The following ACER1 variants were observed in gnomAD, a reference collection of about 807,000 sequenced individuals.
The protein encoded by ACER1 is alkaline ceramidase 1.
Under a neutral mutation model 24.9 loss-of-function variants are expected in ACER1, and 28 were observed. That is an observed-to-expected ratio of 1.13 (90% CI 0.83 to 1.54). The LOEUF is 1.54. Among genes scored for constraint, ACER1 ranks in the 40% most tolerant of loss-of-function variants. The pLI, the probability that ACER1 is intolerant of heterozygous loss-of-function variation, is 0.00. For synonymous variants in ACER1, 132 were observed against 131.4 expected (o/e 1.00, Z -0.03); for missense variants, 352 against 349.3 (o/e 1.01, Z -0.06).
chr19:6,339,803 C>T, the ACER1 span, among the ~76,000 whole-genome samples: 1 of 151,980 alleles, frequency 6.6e-6, no homozygotes, highest in Non-Finnish European at 1.5e-5. Flanking sequence ...GATGGGACTA[C>T]AGGCGCCCGC....
the ACER1 span, among the ~76,000 whole-genome samples, chr19:6,354,903 G>A: frequency 2.0e-5 from 3 of 152,016 alleles, no homozygotes; most frequent in Non-Finnish European, 4.4e-5. Flanking sequence ...CTGCCATCTC[G>A]GCTCACTGCA....
At chr19:6,348,894 A>C in the ACER1 span, among the ~76,000 whole-genome samples, 1 of 151,948 alleles carries the variant, frequency 6.6e-6, no homozygotes, top group African/African-American at 2.4e-5. Flanking sequence ...TGTCTCTACT[A>C]AAAATACAAA....
chr19:6,309,123 G>A (rs1473428637), intron 4 of ACER1, among the ~76,000 whole-genome samples: 4 of 151,936 alleles, frequency 2.6e-5, no homozygotes, highest in African/African-American at 4.8e-5. Flanking sequence ...CCTTGAACCC[G>A]GGAGGCAGAG....
At chr19:6,328,129 T>G (rs1314568682) in intron 1 of ACER1, among the ~76,000 whole-genome samples, 1 of 150,898 alleles carries the variant, frequency 6.6e-6, no homozygotes, top group Non-Finnish European at 1.5e-5. Context: ...TTATCTATTA[T>G]CTATGGCTGG....
chr19:6,358,694 G>C, the ACER1 span, among the ~76,000 whole-genome samples: 1 of 151,810 alleles, frequency 6.6e-6, no homozygotes, highest in Non-Finnish European at 1.5e-5. Context: ...AGCACTTTGG[G>C]AGGCTGAGGC....
At chr19:6,356,152 C>A in the ACER1 span, among the ~76,000 whole-genome samples, 2 of 150,952 alleles carry the variant, frequency 1.3e-5, no homozygotes, top group African/African-American at 4.9e-5. Context: ...CCTTGGGATC[C>A]TGTTGATCGG....
chr19:6,318,418 G>A (rs1336109485), intron 1 of ACER1, among the ~76,000 whole-genome samples: 2 of 151,718 alleles, frequency 1.3e-5, no homozygotes, highest in Non-Finnish European at 2.9e-5. Context: ...GCAGTGAGCT[G>A]AGATCACACG....
At chr19:6,319,610 C>G (rs150821671) in intron 1 of ACER1, among the ~76,000 whole-genome samples, 1 of 152,032 alleles carries the variant, frequency 6.6e-6, no homozygotes, top group Non-Finnish European at 1.5e-5. Flanking sequence ...CCTGCCTTCT[C>G]GGGGTGTATA....
At chr19:6,340,280 CAAAA>C in the ACER1 span, among the ~76,000 whole-genome samples, 1 of 128,074 alleles carries the variant, frequency 7.8e-6, no homozygotes, top group Non-Finnish European at 1.6e-5. Context: ...ACTCTGTCTC[CAAAA>C]AAAGAAAGAA....
At chr19:6,320,175 C>G (rs1399265380) in intron 1 of ACER1, among the ~76,000 whole-genome samples, 1 of 151,862 alleles carries the variant, frequency 6.6e-6, no homozygotes, top group Non-Finnish European at 1.5e-5. Context: ...ATTCTTCGTC[C>G]TCATTGCCAA....
In ACER1 at chr19:6,312,261, G is replaced by C; in HGVS notation, c.238C>G (p.Leu80Val). 1 of 1,614,184 alleles carries C rather than the reference G, an allele frequency of 6.2e-7. No homozygotes were observed. Among genetic ancestry groups the C allele is most frequent in the Non-Finnish European group, 8.5e-7 (1 of 1,180,022 alleles). The change falls in exon 3 of 6, where the codon CTC becomes GTC. Residue 80 changes from leucine to valine, a missense_variant. By Grantham distance (32) the Leu-to-Val change is conservative. Coordinates refer to ENST00000301452, the MANE Select transcript of ACER1 (RefSeq NM_133492.3). The part of the protein sequence containing the change: ...GLFSMYFHMT[L>V]SFLGQLLDEI... ...TCCAGCAGCTGGCCCAGGAAGCTGA[G>C]CGTCATGTGGAAATACATGGAGAAC...
upstream of ACER1, among the ~76,000 whole-genome samples, chr19:6,336,512 G>A (rs1009701198): frequency 3.3e-5 from 5 of 151,886 alleles, no homozygotes; most frequent in Non-Finnish European, 7.4e-5. Context: ...GAGCTGACAC[G>A]ATGTTTCCAT....
chr19:6,319,625 C>G (rs988783972), intron 1 of ACER1, among the ~76,000 whole-genome samples: 1 of 152,094 alleles, frequency 6.6e-6, no homozygotes, highest in Admixed American at 6.6e-5. Context: ...TGTATACAGT[C>G]AGGACAGCAG....
chr19:6,306,679 G>C lies in ACER1; in HGVS notation c.*35C>G, dbSNP rs191657071. On this transcript the variant is annotated 3_prime_UTR_variant, in exon 6 of 6. Transcript: ENST00000301452. ...TATCTTCTCAAGACACAGGCAAGTTGTTGGGTGGTTGGATAGTCAAGAGGC... is the reference window on the plus strand; with the variant it reads ...TATCTTCTCAAGACACAGGCAAGTTCTTGGGTGGTTGGATAGTCAAGAGGC... 1 of 1,573,894 alleles carries C rather than the reference G, an allele frequency of 6.4e-7. No homozygotes were observed. Among genetic ancestry groups the C allele is most frequent in the Non-Finnish European group, 8.6e-7 (1 of 1,156,490 alleles).
chr19:6,324,379 C>T (rs1410087692), intron 1 of ACER1, among the ~76,000 whole-genome samples: 1 of 144,274 alleles, frequency 6.9e-6, no homozygotes, highest in Admixed American at 6.9e-5. Flanking sequence ...GGGTCTCACT[C>T]TGTTGCCCAG....
the ACER1 span, among the ~76,000 whole-genome samples, chr19:6,347,109 A>AAAAATATAT: frequency 0.011 from 1,299 of 113,636 alleles, 19 homozygotes; most frequent in Middle Eastern, 0.028. Context: ...AAAAAAAAAA[A>AAAAATATAT]ATATATATAT....
the ACER1 span, among the ~76,000 whole-genome samples, chr19:6,339,062 A>C: frequency 6.6e-6 from 1 of 151,502 alleles, no homozygotes; most frequent in African/African-American, 2.4e-5. Flanking sequence ...TTTTTAGTAG[A>C]GATGGGGTTT....
At chr19:6,357,789 G>A in the ACER1 span, among the ~76,000 whole-genome samples, 1 of 151,868 alleles carries the variant, frequency 6.6e-6, no homozygotes, top group African/African-American at 2.4e-5. Flanking sequence ...TAGCTTTTTT[G>A]GGGATCTCTT....
At chr19:6,326,328 G>A (rs376324965) in intron 1 of ACER1, among the ~76,000 whole-genome samples, 19 of 151,984 alleles carry the variant, frequency 1.3e-4, no homozygotes, top group South Asian at 2.1e-4. Context: ...GGGTTTCACC[G>A]TGTTAGCCAG....
Sources: gnomAD v4.1 joint callset for allele counts (sites outside exome capture counted in the v4.1 genomes callset) on GRCh38, gnomAD v4.1.1 for gene constraint, MANE v1.5 for transcripts, NCBI Gene and HGNC (gene_info 2026-07-23, HGNC 2026-07-21) for gene names.